Variants in CORIN observed in about 807,000 individuals in gnomAD.
The protein encoded by CORIN is corin, serine peptidase, also known as atrial natriuretic peptide-converting enzyme.
A neutral mutation model predicts 125.3 loss-of-function variants in CORIN; 117 were observed. The observed-to-expected ratio is 0.93, with a 90% CI of 0.80 to 1.09. CORIN has a LOEUF of 1.09. CORIN is among the 50% of genes least tolerant of loss of function. The pLI is 0.00. For synonymous variants in CORIN, 450 were observed against 466.4 expected (o/e 0.96, Z 0.45); for missense variants, 1,253 against 1,306.7 (o/e 0.96, Z 0.63).
At chr4:47,722,869 C>A (rs562185768) in intron 5 of CORIN, among the ~76,000 whole-genome samples, 1 of 152,102 alleles carries the variant, frequency 6.6e-6, no homozygotes, top group Non-Finnish European at 1.5e-5. Context: ...GACCAGTAAG[C>A]GGACTAGGAA....
intron 20 of CORIN, 122 bp downstream of exon 20, chr4:47,603,275 T>A: frequency 1.0e-6 from 1 of 984,154 alleles, no homozygotes; most frequent in Non-Finnish European, 1.5e-6. Context: ...TGATTGTAGG[T>A]TTCCTGAGGC....
chr4:47,683,030 T>C (rs1006723329), intron 7 of CORIN: 1 of 152,234 alleles, frequency 6.6e-6, no homozygotes, highest in Non-Finnish European at 1.5e-5. Context: ...CCAGGGTGTA[T>C]CCTCATCCCA....
At chr4:47,779,219 C>T (rs999293846) in intron 3 of CORIN, among the ~76,000 whole-genome samples, 27 of 152,254 alleles carry the variant, frequency 1.8e-4, no homozygotes, top group African/African-American at 6.0e-4. Context: ...GTATTCCCAG[C>T]ACTTTGGGAG....
chr4:47,765,795 G>A (rs1352295422), intron 3 of CORIN, among the ~76,000 whole-genome samples: 4 of 152,070 alleles, frequency 2.6e-5, no homozygotes, highest in Non-Finnish European at 5.9e-5. Context: ...TATATTTAAG[G>A]ACCATTTGCA....
At chr4:47,700,372 T>G (rs1482060152) in intron 5 of CORIN, among the ~76,000 whole-genome samples, 1 of 152,156 alleles carries the variant, frequency 6.6e-6, no homozygotes, top group Non-Finnish European at 1.5e-5. Flanking sequence ...CTTGAAGGTG[T>G]ACAGTGTGTG....
In CORIN at chr4:47,603,707, C is replaced by G. The variant is rs769858414; in HGVS notation, c.2541-39G>C. 3 of 1,589,266 alleles carry G rather than the reference C, an allele frequency of 1.9e-6. No homozygotes were observed. In the Admixed American group the frequency reaches 5.2e-5, roughly 27 times the overall value. On this transcript the variant is annotated intron_variant, in intron 19 of 21. Coordinates refer to ENST00000273857, the MANE Select transcript of CORIN (RefSeq NM_006587.4). ...TCAAGAGCTATTGGCATCTTAAACTCTAGTTTATCATGTGAAATTCACATG... is the reference window on the plus strand; with the variant it reads ...TCAAGAGCTATTGGCATCTTAAACTGTAGTTTATCATGTGAAATTCACATG...
At position 47,653,822 on chromosome 4, in the gene CORIN, A is replaced by G. The variant is rs573761301; in HGVS notation, c.1736-162T>C. On this transcript the variant is annotated intron_variant, in intron 12 of 21. Transcript: ENST00000273857. ...TGCTTTGGCATTCTTCTGCCTGCCA[A>G]TCAGCATCTTTCTCCTTCATTCTTG... 4.6e-5 allele frequency among the ~76,000 whole-genome samples: 7 copies of G among 152,334 alleles called. No homozygotes were observed. In the South Asian group the frequency reaches 1.4e-3, roughly 32 times the overall value.
intron 12 of CORIN, among the ~76,000 whole-genome samples, chr4:47,657,042 A>T (rs139991496): frequency 7.2e-5 from 11 of 152,342 alleles, no homozygotes; most frequent in African/African-American, 2.6e-4. Flanking sequence ...AAAGCCACAA[A>T]TAAAATAAAA....
chr4:47,615,250 T>C (rs1243146449), intron 19 of CORIN, among the ~76,000 whole-genome samples: 1 of 152,128 alleles, frequency 6.6e-6, no homozygotes, highest in Non-Finnish European at 1.5e-5. Flanking sequence ...AATGAAAAGA[T>C]TTTATTCTTG....
At chr4:47,642,764 G>A in intron 15 of CORIN, 1 of 1,194,762 alleles carries the variant, frequency 8.4e-7, no homozygotes, top group Non-Finnish European at 1.1e-6. Context: ...GAAGAGTGTA[G>A]GGAAGGCAGA....
At chr4:47,819,694 AATCAGAGATCAGAGGCATCCTGC>A (rs1421117651) in intron 1 of CORIN, among the ~76,000 whole-genome samples, 1 of 152,188 alleles carries the variant, frequency 6.6e-6, no homozygotes, top group African/African-American at 2.4e-5. Context: ...CCTGATTCAG[AATCAGAGATCAGAGGCATCCTGC>A]ATCTCATCTG....
intron 2 of CORIN, among the ~76,000 whole-genome samples, chr4:47,791,273 A>G (rs1196520218): frequency 6.6e-6 from 1 of 152,164 alleles, no homozygotes; most frequent in Non-Finnish European, 1.5e-5. Context: ...CTTGTTTTGA[A>G]GATGGAAAGA....
chr4:47,719,769 G>A (rs548593800), intron 5 of CORIN, among the ~76,000 whole-genome samples: 2 of 152,288 alleles, frequency 1.3e-5, no homozygotes, highest in South Asian at 4.1e-4. Flanking sequence ...CAACTGAAAA[G>A]AATAATATTT....
In CORIN at chr4:47,812,790, G is replaced by A. The variant is rs80005340; in HGVS notation, c.64-5743C>T. On this transcript the variant is annotated intron_variant, in intron 1 of 21. Coordinates refer to ENST00000273857, the MANE Select transcript of CORIN (RefSeq NM_006587.4). ...TGTATCTAGAACAGTACCTGAACACGGTCAGGAGTTAGTGGATAAACACTT... is the reference window on the plus strand; with the variant it reads ...TGTATCTAGAACAGTACCTGAACACAGTCAGGAGTTAGTGGATAAACACTT... Among the ~76,000 whole-genome samples the A allele has an allele frequency of 6.9e-3, 1,046 of 152,098 alleles. 15 individuals carry two copies. Among genetic ancestry groups the A allele is most frequent in the African/African-American group, 0.023 (939 of 41,470 alleles).
chr4:47,666,357 C>A (rs1323179373), intron 10 of CORIN, among the ~76,000 whole-genome samples: 2 of 152,090 alleles, frequency 1.3e-5, no homozygotes, highest in African/African-American at 4.8e-5. Flanking sequence ...TAGCACAGTG[C>A]CAGAATGAAG....
chr4:47,763,257 C>CCA (rs1729551896), intron 4 of CORIN, 122 bp downstream of exon 4: 1 of 689,788 alleles, frequency 1.4e-6, no homozygotes, highest in Non-Finnish European at 2.5e-6. Context: ...TTAGAACTAG[C>CCA]CATGACTAAT....
intron 1 of CORIN, among the ~76,000 whole-genome samples, chr4:47,807,372 C>A (rs1257344538): frequency 1.3e-5 from 2 of 152,154 alleles, no homozygotes; most frequent in Non-Finnish European, 2.9e-5. Flanking sequence ...CATGGCAAAA[C>A]CTTACCCTGG....
chr4:47,678,290 T>C (rs1355576550), intron 8 of CORIN, among the ~76,000 whole-genome samples: 1 of 152,256 alleles, frequency 6.6e-6, no homozygotes, highest in African/African-American at 2.4e-5. Context: ...GGAAGTATCA[T>C]GATCCTACTT....
chr4:47,638,286 G>T (rs1454356187), intron 16 of CORIN, among the ~76,000 whole-genome samples: 2 of 152,192 alleles, frequency 1.3e-5, no homozygotes, highest in East Asian at 1.9e-4. Context: ...TTGGACTGTG[G>T]ACTCTTGAGG....
Sources: gnomAD v4.1 joint callset for allele counts (sites outside exome capture counted in the v4.1 genomes callset) on GRCh38, gnomAD v4.1.1 for gene constraint, MANE v1.5 for transcripts, NCBI Gene and HGNC (gene_info 2026-07-23, HGNC 2026-07-21) for gene names.